Variants in MAML3 observed in about 807,000 individuals in gnomAD.
MAML3 encodes the protein mastermind-like protein 3.
In MAML3, 27 loss-of-function variants were observed where a neutral mutation model predicts 101.9. The ratio of observed to expected loss-of-function variants is 0.27; its 90% CI spans 0.20 to 0.37. The LOEUF (loss-of-function observed/expected upper bound fraction) is 0.37, where lower values mean the gene tolerates loss of function less well. Ranked by LOEUF, MAML3 falls within the 10% of genes least tolerant of loss-of-function variation. MAML3 has a pLI of 1.00. For synonymous variants in MAML3, 501 were observed against 555.9 expected (o/e 0.90, Z 1.39); for missense variants, 1,316 against 1,444.9 (o/e 0.91, Z 1.45).
chr4:139,798,034 G>GAGAGAGAGAGAGAGAAAGAA (rs1308897622), intron 2 of MAML3, among the ~76,000 whole-genome samples: 6 of 124,582 alleles, frequency 4.8e-5, no homozygotes, highest in Admixed American at 9.0e-5. Flanking sequence ...AGGAGAGAGA[G>GAGAGAGAGAGAGAGAAAGAA]AGAAAGAAAG....
rs556227256 is a variant in MAML3, at chr4:140,039,115, TC to T, written c.468+113744del. Among the ~76,000 whole-genome samples, 19 of 151,720 alleles carry T rather than the reference TC, an allele frequency of 1.3e-4. No individual in the cohort carries two copies. The South Asian group carries it at 3.9e-3, about 32-fold the overall frequency. ...TCCAGCCTGAGAGACAGAGCAAGACTCCGTCTAAAAAAAAGAAAAAAAAGAA... is the reference window on the plus strand; with the variant it reads ...TCCAGCCTGAGAGACAGAGCAAGACTCGTCTAAAAAAAAGAAAAAAAAGAA... On this transcript the variant is annotated intron_variant, in intron 1 of 4. Transcript: ENST00000509479.
At chr4:139,914,600 GAAAGA>G (rs1168185438) in intron 1 of MAML3, among the ~76,000 whole-genome samples, 2 of 152,224 alleles carry the variant, frequency 1.3e-5, no homozygotes. Context: ...TAATGGCAAG[GAAAGA>G]AAAGAACACA....
intron 1 of MAML3, among the ~76,000 whole-genome samples, chr4:139,996,686 C>CATGTGTGT (rs59834103): frequency 0.094 from 14,192 of 150,940 alleles, 804 homozygotes; most frequent in Non-Finnish European, 0.13. Flanking sequence ...ATAGTTGTAT[C>CATGTGTGT]GTGTGTGTGT....
intron 1 of MAML3, among the ~76,000 whole-genome samples, chr4:139,981,727 T>C (rs1251188071): frequency 1.3e-5 from 2 of 152,182 alleles, no homozygotes; most frequent in African/African-American, 4.8e-5. Context: ...CTTTCCTTGT[T>C]ATAGATAACC....
At chr4:139,746,249 T>C (rs1729316672) in intron 2 of MAML3, among the ~76,000 whole-genome samples, 1 of 152,224 alleles carries the variant, frequency 6.6e-6, no homozygotes, top group South Asian at 2.1e-4. Flanking sequence ...CACTAACCTT[T>C]TAAATCTGAA....
chr4:139,913,046 C>T (rs777210985), intron 1 of MAML3, among the ~76,000 whole-genome samples: 2 of 152,226 alleles, frequency 1.3e-5, no homozygotes, highest in Non-Finnish European at 2.9e-5. Context: ...GAGCAATATG[C>T]TTCCTGACAC....
In MAML3 at chr4:140,091,537, C is replaced by CAAAAAAAAAAAAAAA. The variant is rs570700966; in HGVS notation, c.468+61322_468+61323insTTTTTTTTTTTTTTT. ...TGTAAAACAAAACAAAACAACAAAACAAAAACAAAACAAAAAAAAAAAACA... is the reference window on the plus strand; with the variant it reads ...TGTAAAACAAAACAAAACAACAAAACAAAAAAAAAAAAAAAAAAAACAAAACAAAAAAAAAAAACA... On this transcript the variant is annotated intron_variant, in intron 1 of 4. Coordinates refer to ENST00000509479, the MANE Select transcript of MAML3 (RefSeq NM_018717.5). Among the ~76,000 whole-genome samples, 158 of 71,398 alleles carry CAAAAAAAAAAAAAAA rather than the reference C, an allele frequency of 2.2e-3. 7 individuals are homozygous for CAAAAAAAAAAAAAAA. Among genetic ancestry groups the CAAAAAAAAAAAAAAA allele is most frequent in the Middle Eastern group, 9.6e-3 (1 of 104 alleles). The allele number at this position is 71,398 out of a possible 152,430, so 46.8% of individuals were successfully genotyped here.
chr4:139,967,467 G>A (rs564241876), intron 1 of MAML3, among the ~76,000 whole-genome samples: 1 of 99,428 alleles, frequency 1.0e-5, no homozygotes, highest in East Asian at 2.5e-4. Flanking sequence ...TTCTTTTTAA[G>A]GGACACACAC....
chr4:139,929,226 GC>G (rs1337607437), intron 1 of MAML3, among the ~76,000 whole-genome samples: 1 of 152,170 alleles, frequency 6.6e-6, no homozygotes, highest in African/African-American at 2.4e-5. Context: ...ATCAAACAGT[GC>G]TGTTACTTTT....
intron 2 of MAML3, among the ~76,000 whole-genome samples, chr4:139,843,052 A>G (rs898284228): frequency 6.6e-6 from 1 of 152,018 alleles, no homozygotes; most frequent in African/African-American, 2.4e-5. Flanking sequence ...AAGTGCTGGG[A>G]TTACAGTCCC....
intron 2 of MAML3, among the ~76,000 whole-genome samples, chr4:139,794,802 T>A (rs1730483610): frequency 6.6e-6 from 1 of 152,252 alleles, no homozygotes; most frequent in Non-Finnish European, 1.5e-5. Context: ...CAACAGTCTT[T>A]GCTCCTCTGT....
chr4:140,127,412 A>G (rs1297991744), intron 1 of MAML3, among the ~76,000 whole-genome samples: 1 of 140,966 alleles, frequency 7.1e-6, no homozygotes, highest in African/African-American at 2.8e-5. Flanking sequence ...TGGTATGTCC[A>G]AAAGGAGTGA....
intron 1 of MAML3, among the ~76,000 whole-genome samples, chr4:140,122,701 A>C (rs1728626256): frequency 6.8e-6 from 1 of 147,700 alleles, no homozygotes; most frequent in Non-Finnish European, 1.5e-5. Context: ...CTGCGGCAGG[A>C]GAATGGCGTG....
intron 1 of MAML3, among the ~76,000 whole-genome samples, chr4:140,113,734 T>C (rs1231189069): frequency 1.3e-5 from 2 of 152,210 alleles, no homozygotes; most frequent in Non-Finnish European, 2.9e-5. Flanking sequence ...TGTGCACAAA[T>C]GCCAGTTTGT....
intron 2 of MAML3, among the ~76,000 whole-genome samples, chr4:139,816,338 C>T (rs1434696118): frequency 2.0e-5 from 3 of 152,132 alleles, no homozygotes; most frequent in African/African-American, 4.8e-5. Context: ...ATAAAATGGG[C>T]TGAAATCGAT....
intron 1 of MAML3, among the ~76,000 whole-genome samples, chr4:140,083,043 C>T (rs922425997): frequency 6.6e-6 from 1 of 152,198 alleles, no homozygotes; most frequent in African/African-American, 2.4e-5. Context: ...TAACAGTTTA[C>T]TCTGTATTCT....
At chr4:139,805,733 A>G (rs1368138186) in intron 2 of MAML3, among the ~76,000 whole-genome samples, 1 of 152,206 alleles carries the variant, frequency 6.6e-6, no homozygotes, top group Non-Finnish European at 1.5e-5. Flanking sequence ...TAGGAATTTA[A>G]TAAATTTTTT....
At chr4:139,974,314 C>A (rs1235846094) in intron 1 of MAML3, among the ~76,000 whole-genome samples, 1 of 152,016 alleles carries the variant, frequency 6.6e-6, no homozygotes, top group Non-Finnish European at 1.5e-5. Flanking sequence ...ACAGTGTTAG[C>A]CAGGATGGTC....
At chr4:139,746,573 G>A (rs1457991500) in intron 2 of MAML3, among the ~76,000 whole-genome samples, 5 of 152,114 alleles carry the variant, frequency 3.3e-5, no homozygotes, top group Non-Finnish European at 7.3e-5. Context: ...ATCCCAGGGA[G>A]GGGCTGCAAA....
Sources: gnomAD v4.1 joint callset for allele counts (sites outside exome capture counted in the v4.1 genomes callset) on GRCh38, gnomAD v4.1.1 for gene constraint, MANE v1.5 for transcripts, NCBI Gene and HGNC (gene_info 2026-07-23, HGNC 2026-07-21) for gene names.